The following STK31 variants were observed in gnomAD, a reference collection of about 807,000 sequenced individuals.
STK31 encodes serine/threonine-protein kinase 31.
Under a neutral mutation model 129.7 loss-of-function variants are expected in STK31, and 89 were observed. The observed-to-expected ratio is 0.69, with a 90% CI of 0.58 to 0.82. The LOEUF (loss-of-function observed/expected upper bound fraction) is 0.82. Ranked by LOEUF, STK31 falls within the 40% of genes least tolerant of loss-of-function variation. STK31 has a pLI of 0.00. For synonymous variants in STK31, 448 were observed against 395.3 expected (o/e 1.13, Z -1.58); for missense variants, 1,187 against 1,176.4 (o/e 1.01, Z -0.13).
chr7:23,771,065 A>G lies in STK31; in HGVS notation c.1774A>G (p.Ile592Val). ...SNTYSQVLQK[I>V]HSEERLIATV... ...TACATATAGTCAAGTACTGCAAAAG[A>G]TTCATTCAGAGGAAAGGCTCATTGC... Residue 592 changes from isoleucine to valine, a missense_variant, in exon 14 of 24, where the codon ATT (isoleucine) becomes GTT (valine). By Grantham distance (29) the Ile-to-Val change is conservative. Coordinates refer to ENST00000355870, the MANE Select transcript of STK31 (RefSeq NM_031414.5). The G allele has an allele frequency of 6.2e-7, 1 of 1,613,090 alleles. No individual in the cohort carries two copies. The highest frequency in any genetic ancestry group is 8.5e-7 in the Non-Finnish European group (1 of 1,179,438).
chr7:23,769,280 A>T, intron 12 of STK31, 106 bp downstream of exon 12: 1 of 1,110,072 alleles, frequency 9.0e-7, no homozygotes, highest in Non-Finnish European at 1.2e-6. Flanking sequence ...CCTACTATGT[A>T]TCAGATTTAA....
At chr7:23,815,333 A>C in intron 23 of STK31, 121 bp downstream of exon 23, 1 of 687,954 alleles carries the variant, frequency 1.5e-6, no homozygotes, top group Non-Finnish European at 2.3e-6. Flanking sequence ...GCAATAAATG[A>C]AGTATTGAAA....
chr7:23,742,720 T>G (rs543900947), intron 8 of STK31, among the ~76,000 whole-genome samples: 1 of 152,178 alleles, frequency 6.6e-6, no homozygotes, highest in Non-Finnish European at 1.5e-5. Context: ...TGGGGCTTTC[T>G]CTCTCTTCTC....
intron 22 of STK31, among the ~76,000 whole-genome samples, chr7:23,809,153 T>C (rs1792925523): frequency 6.7e-6 from 1 of 149,736 alleles, no homozygotes; most frequent in South Asian, 2.2e-4. Flanking sequence ...ATAGCTAGAG[T>C]TGTTTGTTTT....
chr7:23,762,859 C>G lies in STK31; in HGVS notation c.1352C>G (p.Ser451Ter). 6.2e-7 allele frequency: 1 copy of G among 1,608,770 alleles called. No individual in the cohort carries two copies. The highest frequency in any genetic ancestry group is 1.7e-5 in the Admixed American group (1 of 59,170). Reference sequence around the variant, plus strand: ...GAAATGCAGCAGAAGCTGTACATGTCAGTAGAAGATTTTATTCTGGAAGTT... The same window carrying G: ...GAAATGCAGCAGAAGCTGTACATGTGAGTAGAAGATTTTATTCTGGAAGTT... ...RNEMQQKLYM[S>*]VEDFILEVDE... Residue 451 changes from serine to a stop codon, truncating the protein, a stop_gained, in exon 11 of 24, where the codon TCA becomes TGA. Coordinates refer to ENST00000355870, the MANE Select transcript of STK31 (RefSeq NM_031414.5). LOFTEE classifies it high-confidence loss of function.
intron 23 of STK31, among the ~76,000 whole-genome samples, chr7:23,819,809 A>G (rs1298500473): frequency 6.6e-6 from 1 of 152,218 alleles, no homozygotes; most frequent in Non-Finnish European, 1.5e-5. Context: ...TTACAGGATC[A>G]TTTACATGTT....
At chr7:23,740,943 T>G (rs1347314385) in intron 8 of STK31, among the ~76,000 whole-genome samples, 1 of 152,228 alleles carries the variant, frequency 6.6e-6, no homozygotes, top group Non-Finnish European at 1.5e-5. Flanking sequence ...ATTCCCTTTA[T>G]ATGTACATGT....
upstream of STK31, chr7:23,710,215 C>T (rs114821056): frequency 1.5e-3 from 2,338 of 1,610,344 alleles, 32 homozygotes; most frequent in African/African-American, 0.028. Flanking sequence ...AGTGTGGGGC[C>T]CTTGCGGTCG....
chr7:23,800,266 A>C (rs1234847704), intron 22 of STK31, among the ~76,000 whole-genome samples: 18 of 152,240 alleles, frequency 1.2e-4, no homozygotes, highest in Admixed American at 1.2e-3. Flanking sequence ...TCATTGTACT[A>C]TAAAGACATG....
At chr7:23,728,002 TTAA>T (rs1325895225) in intron 5 of STK31, among the ~76,000 whole-genome samples, 1 of 151,950 alleles carries the variant, frequency 6.6e-6, no homozygotes, top group Non-Finnish European at 1.5e-5. Flanking sequence ...GTGAATATTG[TTAA>T]TAATAATGAT....
At chr7:23,827,083 G>A (rs566648155) in intron 23 of STK31, among the ~76,000 whole-genome samples, 9 of 152,260 alleles carry the variant, frequency 5.9e-5, no homozygotes, top group Admixed American at 1.3e-4. Flanking sequence ...TCTTGGAGTT[G>A]CTCTTCTTGA....
chr7:23,784,853 CA>C lies in STK31; in HGVS notation c.2149-624del, dbSNP rs549024724. ...AAAATTAGTTATTGAAAGCCATTTT[CA>C]CTTTTGAGGACTCCAAACAGGGGCA... On this transcript the variant is annotated intron_variant, in intron 17 of 23. Transcript: ENST00000355870. Among the ~76,000 whole-genome samples the C allele has an allele frequency of 3.8e-3, 577 of 152,242 alleles. 4 individuals are homozygous for C. The highest frequency in any genetic ancestry group is 0.02 in the Middle Eastern group (6 of 294).
chr7:23,745,525 C>G (rs1209975354), intron 8 of STK31, among the ~76,000 whole-genome samples: 2 of 152,216 alleles, frequency 1.3e-5, no homozygotes, highest in Non-Finnish European at 2.9e-5. Context: ...AGGGCAGCAG[C>G]TGCAGGTGGG....
intron 4 of STK31, among the ~76,000 whole-genome samples, chr7:23,719,068 G>C (rs1786523916): frequency 6.6e-6 from 1 of 152,016 alleles, no homozygotes; most frequent in Non-Finnish European, 1.5e-5. Context: ...AAGGGGTCTT[G>C]TGAAGTACCT....
chr7:23,793,564 A>G (rs564324333), intron 22 of STK31, among the ~76,000 whole-genome samples: 1 of 152,252 alleles, frequency 6.6e-6, no homozygotes, highest in Non-Finnish European at 1.5e-5. Flanking sequence ...CAGTTAAGAA[A>G]TGGGCAAAAT....
At chr7:23,739,096 G>C (rs1787896883) in intron 8 of STK31, among the ~76,000 whole-genome samples, 1 of 152,228 alleles carries the variant, frequency 6.6e-6, no homozygotes, top group African/African-American at 2.4e-5. Flanking sequence ...CCCACCAACA[G>C]TGTAGAAGTG....
At chr7:23,774,101 G>A (rs1430588780) in intron 15 of STK31, among the ~76,000 whole-genome samples, 3 of 152,108 alleles carry the variant, frequency 2.0e-5, no homozygotes, top group African/African-American at 7.2e-5. Flanking sequence ...TCCCTGCAAA[G>A]GACATGAAAT....
At chr7:23,739,787 T>G (rs900819551) in intron 8 of STK31, among the ~76,000 whole-genome samples, 2 of 152,178 alleles carry the variant, frequency 1.3e-5, no homozygotes, top group African/African-American at 4.8e-5. Context: ...TGGTTGTAGA[T>G]GTGTGGTGTT....
intron 22 of STK31, chr7:23,811,314 C>A: frequency 2.4e-6 from 1 of 419,454 alleles, no homozygotes; most frequent in South Asian, 2.0e-5. Flanking sequence ...GCAGCTTCTG[C>A]CATAAAAGGT....
Sources: gnomAD v4.1 joint callset for allele counts (sites outside exome capture counted in the v4.1 genomes callset) on GRCh38, gnomAD v4.1.1 for gene constraint, MANE v1.5 for transcripts, NCBI Gene and HGNC (gene_info 2026-07-23, HGNC 2026-07-21) for gene names.